The following MAPK4 variants were observed in gnomAD, a reference collection of about 807,000 sequenced individuals.
The protein encoded by MAPK4 is Erk3-related.
In MAPK4, 22 loss-of-function variants were observed where a neutral mutation model predicts 47.7. The observed-to-expected ratio is 0.46, with a 90% CI of 0.33 to 0.66. The LOEUF is 0.66. Ranked by LOEUF, MAPK4 falls within the 30% of genes least tolerant of loss-of-function variation. The pLI is 0.02. For synonymous variants in MAPK4, 390 were observed against 365.7 expected (o/e 1.07, Z -0.76); for missense variants, 736 against 831.7 (o/e 0.88, Z 1.42).
At chr18:50,667,494 A>G (rs980044820) in intron 2 of MAPK4, among the ~76,000 whole-genome samples, 23 of 152,178 alleles carry the variant, frequency 1.5e-4, no homozygotes, top group African/African-American at 5.3e-4. Flanking sequence ...TGGGGCATGC[A>G]TCTGCTCTCT....
intron 1 of MAPK4, among the ~76,000 whole-genome samples, chr18:50,625,576 G>C: frequency 6.6e-6 from 1 of 152,084 alleles, no homozygotes; most frequent in Admixed American, 6.5e-5. Context: ...TTCCTTCATG[G>C]AGCTTCCAGT....
intron 1 of MAPK4, among the ~76,000 whole-genome samples, chr18:50,573,096 A>C (rs538553945): frequency 1.3e-5 from 2 of 152,340 alleles, no homozygotes; most frequent in African/African-American, 2.4e-5. Context: ...TAAAGTAAGA[A>C]GTGATTGAGG....
At chr18:50,562,338 A>G (rs2042160444) in intron 1 of MAPK4, among the ~76,000 whole-genome samples, 1 of 151,752 alleles carries the variant, frequency 6.6e-6, no homozygotes, top group Admixed American at 6.6e-5. Flanking sequence ...TCTGCCTCTT[A>G]CAAACCCTGG....
At chr18:50,645,117 T>C (rs2042976589) in intron 1 of MAPK4, among the ~76,000 whole-genome samples, 2 of 152,114 alleles carry the variant, frequency 1.3e-5, no homozygotes, top group African/African-American at 4.8e-5. Context: ...GAAGGCGGGA[T>C]ATGGCGAAAG....
At chr18:50,719,446 A>T (rs2144459945) in intron 3 of MAPK4, among the ~76,000 whole-genome samples, 1 of 152,268 alleles carries the variant, frequency 6.6e-6, no homozygotes, top group East Asian at 1.9e-4. Flanking sequence ...CAGACCTCCC[A>T]GTTCCGTATT....
At chr18:50,637,446 C>A (rs775725430) in intron 1 of MAPK4, among the ~76,000 whole-genome samples, 39 of 152,258 alleles carry the variant, frequency 2.6e-4, no homozygotes, top group Non-Finnish European at 4.6e-4. Flanking sequence ...AACCAAAGAA[C>A]CCTGACTCAA....
intron 1 of MAPK4, among the ~76,000 whole-genome samples, chr18:50,660,286 A>G (rs752856734): frequency 9.9e-5 from 15 of 152,234 alleles, no homozygotes; most frequent in Non-Finnish European, 2.1e-4. Context: ...TGAAACTCTA[A>G]GAGAGGCAGC....
intron 1 of MAPK4, among the ~76,000 whole-genome samples, chr18:50,607,560 C>T (rs928583170): frequency 1.3e-5 from 2 of 152,172 alleles, no homozygotes; most frequent in African/African-American, 4.8e-5. Flanking sequence ...AAAAGCGCTG[C>T]TCTGAGCAGT....
chr18:50,618,213 CTGATCCCTCATGATAGG>C lies in MAPK4; in HGVS notation c.-870-44865_-870-44849del, dbSNP rs538646636. Among the ~76,000 whole-genome samples, 701 of 152,294 alleles carry C rather than the reference CTGATCCCTCATGATAGG, an allele frequency of 4.6e-3. 4 individuals are homozygous for C. Among genetic ancestry groups the C allele is most frequent in the African/African-American group, 0.016 (646 of 41,566 alleles). ...AACCTACTGAGCTCTCCCATCATCT[CTGATCCCTCATGATAGG>C]TGATCCCTCACCTATCTGCTCATCG... On this transcript the variant is annotated intron_variant, in intron 1 of 5. Transcript: ENST00000400384.
At chr18:50,626,425 G>A (rs1043745305) in intron 1 of MAPK4, among the ~76,000 whole-genome samples, 1 of 152,152 alleles carries the variant, frequency 6.6e-6, no homozygotes, top group Non-Finnish European at 1.5e-5. Context: ...CATGGCGTCT[G>A]CGGTCCTTGC....
At chr18:50,599,711 GC>G (rs2042518631) in intron 1 of MAPK4, among the ~76,000 whole-genome samples, 1 of 152,152 alleles carries the variant, frequency 6.6e-6, no homozygotes, top group Non-Finnish European at 1.5e-5. Context: ...GAACCACTGT[GC>G]CTGGCCTGCT....
At chr18:50,653,098 A>C (rs183660980) in intron 1 of MAPK4, among the ~76,000 whole-genome samples, 7 of 152,168 alleles carry the variant, frequency 4.6e-5, no homozygotes, top group Admixed American at 2.6e-4. Context: ...CTAAGGCAGG[A>C]GGATCTCTTA....
intron 2 of MAPK4, among the ~76,000 whole-genome samples, chr18:50,668,109 C>G (rs1907707510): frequency 6.6e-6 from 1 of 152,208 alleles, no homozygotes; most frequent in African/African-American, 2.4e-5. Context: ...GTTCATGTAA[C>G]ACTTCCTTAC....
At position 50,729,242 on chromosome 18, in the gene MAPK4, G is replaced by A. The variant is rs1311792028; in HGVS notation, c.1152G>A (p.Ala384=). The A allele has an allele frequency of 3.1e-6, 5 of 1,608,134 alleles. No homozygotes were observed. In the Admixed American group the frequency reaches 5.0e-5, roughly 16 times the overall value. ...GCGAGGTACAGCGCGACCCGCGCGC[G>A]GGTTCGGCGCCACTGGCTGAGGACG... ...DASEVQRDPR[A]GSAPLAEDVQ... Residue 384 remains alanine (A), a synonymous_variant, in exon 6 of 6, where the codon GCG becomes GCA. Transcript: ENST00000400384.
chr18:50,683,154 C>T (rs887086032), intron 2 of MAPK4, among the ~76,000 whole-genome samples: 2 of 151,886 alleles, frequency 1.3e-5, no homozygotes, highest in Non-Finnish European at 2.9e-5. Context: ...GAATCTTGCT[C>T]TGTTGCCCAG....
chr18:50,660,355 T>C (rs1239674294), intron 1 of MAPK4, among the ~76,000 whole-genome samples: 1 of 152,202 alleles, frequency 6.6e-6, no homozygotes, highest in Non-Finnish European at 1.5e-5. Flanking sequence ...TTGGTCTGAA[T>C]GGTTAGGGCT....
At position 50,647,932 on chromosome 18, in the gene MAPK4, C is replaced by T. The variant is rs139611107; in HGVS notation, c.-870-15157C>T. Among the ~76,000 whole-genome samples, 1,502 of 152,280 alleles carry T rather than the reference C, an allele frequency of 9.9e-3. 29 individuals are homozygous for T. Among genetic ancestry groups the T allele is most frequent in the African/African-American group, 0.035 (1,441 of 41,544 alleles). ...ACCTCTTCCAAACACTTGCCACTCT[C>T]AAGTCCCTAGGCCCATTCCCACCCC... On this transcript the variant is annotated intron_variant, in intron 1 of 5. Transcript: ENST00000400384.
intron 2 of MAPK4, among the ~76,000 whole-genome samples, chr18:50,672,915 A>G (rs1473145882): frequency 6.6e-6 from 1 of 152,212 alleles, no homozygotes; most frequent in Admixed American, 6.5e-5. Flanking sequence ...TGCTTCCCTC[A>G]TATCAAAGTT....
chr18:50,650,896 G>T (rs1158398201), intron 1 of MAPK4, among the ~76,000 whole-genome samples: 1 of 152,246 alleles, frequency 6.6e-6, no homozygotes, highest in Non-Finnish European at 1.5e-5. Context: ...GGCCTTTGCT[G>T]GCTGGATCAG....
Sources: allele counts gnomAD v4.1 joint callset (sites outside exome capture counted in the v4.1 genomes callset), GRCh38; gene constraint gnomAD v4.1.1; transcripts MANE v1.5; gene names NCBI Gene and HGNC (gene_info 2026-07-23, HGNC 2026-07-21).